TAS2R1: variants seen among roughly 807,000 people sequenced by gnomAD.
TAS2R1 encodes the protein taste 2 receptor member 1, also known as taste receptor type 2 member 1.
For missense variants in TAS2R1, 370 were observed against 353.4 expected (o/e 1.05, Z -0.38); for synonymous variants, 141 against 134.2 (o/e 1.05, Z -0.35).
In TAS2R1 at chr5:9,629,308, A is replaced by G. The variant is rs1739819299; in HGVS notation, c.725T>C (p.Met242Thr). 6.2e-7 allele frequency: 1 copy of G among 1,613,530 alleles called. No homozygotes were observed. Among genetic ancestry groups the G allele is most frequent in the African/African-American group, 1.3e-5 (1 of 74,876 alleles). The change falls in exon 1 of 1, where the codon ATG (methionine) becomes ACG (threonine). Residue 242 changes from methionine (M) to threonine (T), a missense_variant. Physicochemically the swap from Met to Thr is moderately conservative, Grantham distance 81. Coordinates refer to ENST00000382492, the MANE Select transcript of TAS2R1 (RefSeq NM_019599.3). ...SFLILYFSHC[M>T]IKVFLSSLKF... ...TAGAGAAGAGAGAAAAACTTTTATC[A>G]TGCAGTGGGAGAAGTAGAGGATCAG... is the stretch of plus-strand genomic sequence containing the variant.
At chr5:9,839,890 C>T in the TAS2R1 span, among the ~76,000 whole-genome samples, 3 of 151,918 alleles carry the variant, frequency 2.0e-5, no homozygotes, top group African/African-American at 4.8e-5. Flanking sequence ...TTAATGTAAT[C>T]GATTTTTATA....
the TAS2R1 span, among the ~76,000 whole-genome samples, chr5:9,786,087 C>T: frequency 6.6e-6 from 1 of 152,338 alleles, no homozygotes; most frequent in Admixed American, 6.5e-5. Flanking sequence ...ACATATGTTA[C>T]ACATACATAA....
the TAS2R1 span, among the ~76,000 whole-genome samples, chr5:9,812,855 TTGG>T: frequency 6.6e-6 from 1 of 152,196 alleles, no homozygotes; most frequent in Admixed American, 6.5e-5. Context: ...TCAGTTTTAG[TTGG>T]TCATCTGACT....
the TAS2R1 span, among the ~76,000 whole-genome samples, chr5:9,752,095 C>G: frequency 6.6e-6 from 1 of 152,170 alleles, no homozygotes; most frequent in Non-Finnish European, 1.5e-5. Flanking sequence ...AAAGCATGAT[C>G]GATACCCACA....
chr5:9,897,150 C>T, the TAS2R1 span, among the ~76,000 whole-genome samples: 2 of 152,114 alleles, frequency 1.3e-5, no homozygotes, highest in African/African-American at 2.4e-5. Flanking sequence ...CAAAACAAAA[C>T]AAAATAACAG....
At chr5:9,728,819 A>AG in the TAS2R1 span, among the ~76,000 whole-genome samples, 1 of 152,190 alleles carries the variant, frequency 6.6e-6, no homozygotes, top group East Asian at 1.9e-4. Context: ...GGAGGAAACC[A>AG]GTGGCTCCTT....
intron 2 of TAS2R1, among the ~76,000 whole-genome samples, chr5:9,649,515 A>G (rs1409271440): frequency 6.6e-6 from 1 of 152,014 alleles, no homozygotes; most frequent in African/African-American, 2.4e-5. Flanking sequence ...CTTTCCTACA[A>G]CCTCTTTGGA....
the TAS2R1 span, chr5:9,889,579 G>T: frequency 6.6e-6 from 1 of 151,856 alleles, no homozygotes; most frequent in East Asian, 1.9e-4. Flanking sequence ...GGTGGCGGGG[G>T]GTAACCAGAT....
the TAS2R1 span, among the ~76,000 whole-genome samples, chr5:9,830,243 A>G: frequency 6.6e-6 from 1 of 152,174 alleles, no homozygotes; most frequent in Non-Finnish European, 1.5e-5. Flanking sequence ...ACAGATAACA[A>G]AGGGAGAGAT....
chr5:9,776,617 T>G, the TAS2R1 span, among the ~76,000 whole-genome samples: 1 of 152,184 alleles, frequency 6.6e-6, no homozygotes, highest in Non-Finnish European at 1.5e-5. Context: ...CAACCACCCA[T>G]GAAGCCCTGT....
chr5:9,899,886 C>T, the TAS2R1 span, among the ~76,000 whole-genome samples: 1 of 152,072 alleles, frequency 6.6e-6, no homozygotes, highest in South Asian at 2.1e-4. Context: ...AGGTGGTTCC[C>T]AGCCTGTGGT....
upstream of TAS2R1, among the ~76,000 whole-genome samples, chr5:9,712,860 A>G (rs959195375): frequency 6.6e-5 from 10 of 151,952 alleles, no homozygotes; most frequent in African/African-American, 2.4e-4. Flanking sequence ...AAGATACAGA[A>G]CAAGTGGGAA....
chr5:9,879,714 T>G, the TAS2R1 span, among the ~76,000 whole-genome samples: 2,953 of 152,296 alleles, frequency 0.019, 83 homozygotes, highest in African/African-American at 0.064. Context: ...GATGTGATGA[T>G]TATATGCAAA....
chr5:9,782,866 T>C, the TAS2R1 span, among the ~76,000 whole-genome samples: 2 of 152,080 alleles, frequency 1.3e-5, no homozygotes, highest in Admixed American at 6.6e-5. Context: ...GCAAAAGGAC[T>C]AACATTTTAC....
intron 1 of TAS2R1, among the ~76,000 whole-genome samples, chr5:9,660,797 G>T (rs1698327516): frequency 6.6e-6 from 1 of 152,210 alleles, no homozygotes; most frequent in African/African-American, 2.4e-5. Context: ...ATCAAGGGAA[G>T]TGTATCACAG....
chr5:9,728,250 C>A, the TAS2R1 span, among the ~76,000 whole-genome samples: 1 of 152,194 alleles, frequency 6.6e-6, no homozygotes, highest in Non-Finnish European at 1.5e-5. Context: ...TCTACATTAT[C>A]TACAAATAAC....
chr5:9,687,530 A>T (rs114953559), intron 1 of TAS2R1, among the ~76,000 whole-genome samples: 4,296 of 151,992 alleles, frequency 0.028, 74 homozygotes, highest in Middle Eastern at 0.054. Context: ...GTCTCTCCCA[A>T]ATTGTAGGAT....
the TAS2R1 span, among the ~76,000 whole-genome samples, chr5:9,718,873 AT>A: frequency 6.6e-6 from 1 of 151,826 alleles, no homozygotes; most frequent in South Asian, 2.1e-4. Flanking sequence ...GGGCTACTGT[AT>A]TAAAAAAAAA....
At chr5:9,758,893 A>G in the TAS2R1 span, among the ~76,000 whole-genome samples, 1 of 152,190 alleles carries the variant, frequency 6.6e-6, no homozygotes, top group Non-Finnish European at 1.5e-5. Context: ...TGTCATACAA[A>G]TATAAAATAA....
Sources: gnomAD v4.1 joint callset for allele counts (sites outside exome capture counted in the v4.1 genomes callset) on GRCh38, gnomAD v4.1.1 for gene constraint, MANE v1.5 for transcripts, NCBI Gene and HGNC (gene_info 2026-07-23, HGNC 2026-07-21) for gene names.